The following RARB variants were observed in gnomAD, a reference collection of about 807,000 sequenced individuals.
RARB encodes retinoic acid receptor beta.
Under a neutral mutation model 51.9 loss-of-function variants are expected in RARB, and 17 were observed. The observed-to-expected ratio is 0.33, with a 90% confidence interval of 0.22 to 0.49. RARB has a LOEUF of 0.49. Ranked by LOEUF, RARB falls within the 20% of genes least tolerant of loss-of-function variation. RARB has a pLI of 0.99. For missense variants in RARB, 369 were observed against 550.8 expected (o/e 0.67, Z 3.30); for synonymous variants, 215 against 195.4 (o/e 1.10, Z -0.84).
At chr3:25,260,643 G>A (rs1472410995) in intron 5 of RARB, among the ~76,000 whole-genome samples, 1 of 152,026 alleles carries the variant, frequency 6.6e-6, no homozygotes, top group African/African-American at 2.4e-5. Context: ...AGAGGAAAAG[G>A]GGTCCCATCT....
chr3:24,883,081 T>G (rs1703200233), intron 2 of RARB, among the ~76,000 whole-genome samples: 1 of 152,116 alleles, frequency 6.6e-6, no homozygotes, highest in South Asian at 2.1e-4. Flanking sequence ...TGACATTCAT[T>G]GTAGAGTCAC....
intron 5 of RARB, among the ~76,000 whole-genome samples, chr3:25,264,021 C>T (rs538590356): frequency 1.6e-4 from 24 of 152,048 alleles, no homozygotes; most frequent in African/African-American, 4.8e-4. Flanking sequence ...AGAATTCATA[C>T]GTTTTCAGAC....
At chr3:25,128,358 ACCTAGAC>A (rs1383033323) in intron 3 of RARB, among the ~76,000 whole-genome samples, 3 of 151,056 alleles carry the variant, frequency 2.0e-5, no homozygotes, top group Non-Finnish European at 4.4e-5. Context: ...TATATAAAGT[ACCTAGAC>A]TTACATGAAA....
chr3:24,960,763 T>A (rs1320666575), intron 2 of RARB, among the ~76,000 whole-genome samples: 2 of 145,982 alleles, frequency 1.4e-5, no homozygotes, highest in South Asian at 4.2e-4. Context: ...CCTTTGGATT[T>A]TTTTTTTTTT....
chr3:25,291,056 C>A (rs1252735895), intron 5 of RARB, among the ~76,000 whole-genome samples: 1 of 152,188 alleles, frequency 6.6e-6, no homozygotes, highest in East Asian at 1.9e-4. Context: ...TTATGTCATA[C>A]TTGGGCAAAT....
chr3:24,954,611 T>A (rs1255348363), intron 2 of RARB, among the ~76,000 whole-genome samples: 3 of 152,142 alleles, frequency 2.0e-5, no homozygotes, highest in Admixed American at 1.3e-4. Flanking sequence ...TGTAATCAAG[T>A]GACTATTTAG....
At chr3:25,242,971 T>C (rs1702468737) in intron 5 of RARB, among the ~76,000 whole-genome samples, 1 of 152,232 alleles carries the variant, frequency 6.6e-6, no homozygotes, top group Non-Finnish European at 1.5e-5. Context: ...GTTTGTGTCC[T>C]CTCTTATTTT....
intron 5 of RARB, among the ~76,000 whole-genome samples, chr3:25,216,173 C>G (rs1701827822): frequency 6.6e-6 from 1 of 152,128 alleles, no homozygotes. Flanking sequence ...TAGATGTTAC[C>G]AGACAGCCAA....
chr3:24,998,102 G>A (rs753435871), intron 2 of RARB, among the ~76,000 whole-genome samples: 17 of 151,864 alleles, frequency 1.1e-4, no homozygotes, highest in African/African-American at 2.4e-4. Flanking sequence ...TTTCAAACCT[G>A]CTTTTTTAAA....
chr3:25,441,811 A>G (rs993453318), intron 1 of RARB, among the ~76,000 whole-genome samples: 1 of 152,168 alleles, frequency 6.6e-6, no homozygotes, highest in African/African-American at 2.4e-5. Flanking sequence ...TCTTCTCACT[A>G]AACTGAGAGT....
intron 5 of RARB, among the ~76,000 whole-genome samples, chr3:25,269,978 T>C (rs1046062239): frequency 8.5e-5 from 13 of 152,152 alleles, no homozygotes; most frequent in African/African-American, 3.1e-4. Context: ...TACCATTTAG[T>C]ATGGCTATTA....
chr3:25,475,763 C>G (rs116632565), intron 2 of RARB, among the ~76,000 whole-genome samples: 246 of 152,298 alleles, frequency 1.6e-3, no homozygotes, highest in African/African-American at 5.5e-3. Context: ...GTCTCCTTGG[C>G]TCTGCAGTGC....
At chr3:25,285,521 A>G (rs1703628092) in intron 5 of RARB, among the ~76,000 whole-genome samples, 1 of 152,220 alleles carries the variant, frequency 6.6e-6, no homozygotes, top group African/African-American at 2.4e-5. Flanking sequence ...GTGGAGAAAC[A>G]GTTGGAGTTG....
At chr3:24,987,740 T>A (rs1696825480) in intron 2 of RARB, among the ~76,000 whole-genome samples, 1 of 152,164 alleles carries the variant, frequency 6.6e-6, no homozygotes, top group African/African-American at 2.4e-5. Flanking sequence ...AAGTTGAAAA[T>A]AAGGTAATGG....
intron 2 of RARB, among the ~76,000 whole-genome samples, chr3:24,940,679 A>C (rs1289478469): frequency 7.9e-5 from 12 of 152,132 alleles, no homozygotes; most frequent in African/African-American, 2.9e-4. Context: ...AATCTAACTT[A>C]GCACATGCGG....
rs562561144 is a variant in RARB at position 25,267,403 on chromosome 3, C to T, written c.178+92828C>T. Among the ~76,000 whole-genome samples the T allele has an allele frequency of 3.3e-5, 5 of 152,320 alleles. No individual in the cohort carries two copies. In the East Asian group the frequency reaches 9.7e-4, roughly 29 times the overall value. ...GCTCCACTCTGGCCTTCCGCAACCC[C>T]CGTCTTTCACCTCACATTACCGCTG... On this transcript the variant is annotated intron_variant, in intron 5 of 11. Coordinates refer to the RARB transcript ENST00000383772.
intron 5 of RARB, among the ~76,000 whole-genome samples, chr3:25,238,970 CTG>C (rs58855732): frequency 0.098 from 14,908 of 152,160 alleles, 1,583 homozygotes; most frequent in African/African-American, 0.25. Context: ...CAGAGCAAGA[CTG>C]TGTCTCAAAA....
chr3:25,297,372 G>T (rs1416649527), intron 5 of RARB, among the ~76,000 whole-genome samples: 1 of 139,792 alleles, frequency 7.2e-6, no homozygotes. Context: ...TCCTGATGTT[G>T]CTTGAAAAAC....
intron 1 of RARB, among the ~76,000 whole-genome samples, chr3:25,443,957 T>C (rs1325429516): frequency 6.6e-6 from 1 of 152,058 alleles, no homozygotes; most frequent in East Asian, 1.9e-4. Context: ...AATAATAAAA[T>C]AAATAAATCG....
Sources: gnomAD v4.1 joint callset for allele counts (sites outside exome capture counted in the v4.1 genomes callset) on GRCh38, gnomAD v4.1.1 for gene constraint, MANE v1.5 for transcripts, NCBI Gene and HGNC (gene_info 2026-07-23, HGNC 2026-07-21) for gene names.